The following EFCAB6 variants were observed in gnomAD, a reference collection of about 807,000 sequenced individuals.
EFCAB6 encodes the protein EF-hand calcium-binding domain-containing protein 6.
In EFCAB6, 156 loss-of-function variants were observed where a neutral mutation model predicts 169.8. The ratio of observed to expected loss-of-function variants is 0.92; its 90% CI spans 0.81 to 1.05. The LOEUF (loss-of-function observed/expected upper bound fraction) is 1.05. EFCAB6 is among the 50% of genes least tolerant of loss of function. The pLI, the probability that EFCAB6 is intolerant of heterozygous loss-of-function variation, is 0.00. For synonymous variants in EFCAB6, 698 were observed against 676.4 expected, an observed-to-expected ratio of 1.03 and a Z score of -0.50; for missense variants, 1,800 against 1,829.1, an observed-to-expected ratio of 0.98 and a Z score of 0.29.
At chr22:43,661,950 CTACTAAAAA>C (rs1357237114) in intron 17 of EFCAB6, among the ~76,000 whole-genome samples, 1 of 151,990 alleles carries the variant, frequency 6.6e-6, no homozygotes, top group Non-Finnish European at 1.5e-5. Context: ...AAACCAGTCT[CTACTAAAAA>C]TACAAAAATT....
intron 24 of EFCAB6, among the ~76,000 whole-genome samples, chr22:43,589,280 CAAAAAAAAAAAAAAAAAAAAAAA>C (rs1163346832): frequency 1.7e-4 from 14 of 80,956 alleles, no homozygotes; most frequent in African/African-American, 9.7e-4. Flanking sequence ...GACTTCATGT[CAAAAAAAAAAAAAAAAAAAAAAA>C]AAAAAAAAAA....
intron 11 of EFCAB6, among the ~76,000 whole-genome samples, chr22:43,684,814 C>T (rs771190768): frequency 1.6e-4 from 25 of 152,330 alleles, no homozygotes; most frequent in Middle Eastern, 3.4e-3. Flanking sequence ...ATTTTATCCA[C>T]CGGGTACCCC....
intron 20 of EFCAB6, 106 bp from the exon 21 acceptor site, chr22:43,616,028 A>G: frequency 1.2e-6 from 1 of 827,462 alleles, no homozygotes; most frequent in African/African-American, 1.7e-5. Flanking sequence ...ATACCATTAA[A>G]GTCTGTTATT....
intron 2 of EFCAB6, among the ~76,000 whole-genome samples, chr22:43,787,352 GCA>G (rs61585162): frequency 0.59 from 85,889 of 146,596 alleles, 25,407 homozygotes; most frequent in Middle Eastern, 0.63. Flanking sequence ...ACACACATAT[GCA>G]CACACACACA....
At chr22:43,741,140 A>C (rs1024851121) in intron 6 of EFCAB6, among the ~76,000 whole-genome samples, 1 of 152,092 alleles carries the variant, frequency 6.6e-6, no homozygotes, top group Admixed American at 6.6e-5. Context: ...AAGTAAGAAG[A>C]AGCAATAAAA....
At chr22:43,574,587 G>A (rs564075570) in intron 26 of EFCAB6, among the ~76,000 whole-genome samples, 3 of 151,212 alleles carry the variant, frequency 2.0e-5, no homozygotes, top group African/African-American at 4.9e-5. Context: ...CCTTTTTTAC[G>A]TATATTTTTT....
At chr22:43,747,931 T>A (rs558989523) in intron 6 of EFCAB6, among the ~76,000 whole-genome samples, 1 of 152,226 alleles carries the variant, frequency 6.6e-6, no homozygotes, top group East Asian at 1.9e-4. Context: ...CTAGGTGATA[T>A]ACCGCCCAAT....
At chr22:43,639,184 A>G (rs566818051) in intron 17 of EFCAB6, among the ~76,000 whole-genome samples, 2 of 152,340 alleles carry the variant, frequency 1.3e-5, no homozygotes, top group Non-Finnish European at 2.9e-5. Context: ...AAGAAAAATA[A>G]CAGCCTTCTA....
chr22:43,559,140 A>G (rs1350952293), intron 26 of EFCAB6, among the ~76,000 whole-genome samples: 1 of 152,230 alleles, frequency 6.6e-6, no homozygotes. Context: ...AATATCCAGA[A>G]TCTACAAGGA....
Position 43,537,678 on chromosome 22 carries a change from T to C in EFCAB6, c.3880-133A>G, listed in dbSNP as rs1054972788. ...ATTAGCCCAGAAATAAAATGAAGAA[T>C]AAAACATAGATGGTGATTTTACAAT... On this transcript the variant is annotated intron_variant, in intron 28 of 31. Transcript: ENST00000262726. This position sits in a 1 kb window ranked among gnomAD's most constrained non-coding sequence, Gnocchi z 4.3. The C allele has an allele frequency of 7.7e-5, 84 of 1,089,406 alleles. No individual in the cohort carries two copies. The highest frequency in any genetic ancestry group is 9.8e-5 in the Non-Finnish European group (77 of 787,188). 67.5% of individuals were successfully genotyped at this position (1,089,406 alleles called of 1,614,324 possible). A position where few individuals can be genotyped will look rare whatever the true frequency, so the allele number is the denominator to read the frequency against.
At chr22:43,540,086 C>G (rs757422578) in intron 28 of EFCAB6, 41 bp downstream of exon 28, 1 of 1,605,664 alleles carries the variant, frequency 6.2e-7, no homozygotes, top group South Asian at 1.1e-5. Flanking sequence ...GTGGATGTGG[C>G]ATGAGGAGGC....
At chr22:43,741,476 G>A (rs73888096) in intron 6 of EFCAB6, among the ~76,000 whole-genome samples, 6,270 of 152,202 alleles carry the variant, frequency 0.041, 161 homozygotes, top group South Asian at 0.06. Flanking sequence ...ACTTGAAAGC[G>A]CGCCTTCATA....
intron 11 of EFCAB6, among the ~76,000 whole-genome samples, chr22:43,686,674 T>TA (rs1373711961): frequency 6.6e-6 from 1 of 152,134 alleles, no homozygotes; most frequent in African/African-American, 2.4e-5. Flanking sequence ...CGCAGTTCAT[T>TA]AAATATTCAC....
chr22:43,571,213 T>G (rs2049853206), intron 26 of EFCAB6, among the ~76,000 whole-genome samples: 1 of 152,196 alleles, frequency 6.6e-6, no homozygotes, highest in Non-Finnish European at 1.5e-5. Flanking sequence ...GGTGTAAAAT[T>G]GTCATCTTTA....
intron 8 of EFCAB6, among the ~76,000 whole-genome samples, chr22:43,718,639 C>T (rs568968069): frequency 1.3e-5 from 2 of 152,184 alleles, no homozygotes; most frequent in Admixed American, 6.5e-5. Flanking sequence ...AAAAATGAGC[C>T]GGTCATTGCG....
At chr22:43,724,348 C>T (rs749466116) in intron 8 of EFCAB6, among the ~76,000 whole-genome samples, 21 of 150,060 alleles carry the variant, frequency 1.4e-4, no homozygotes, top group Non-Finnish European at 2.8e-4. Context: ...TTACTGTTTA[C>T]TGTCAATATT....
chr22:43,709,087 T>G (rs1244966823), intron 10 of EFCAB6, among the ~76,000 whole-genome samples: 21 of 152,178 alleles, frequency 1.4e-4, no homozygotes, highest in Admixed American at 1.2e-3. Flanking sequence ...TGTTATTTAT[T>G]TCTTCATTTT....
chr22:43,624,305 T>C (rs894829120), intron 20 of EFCAB6, among the ~76,000 whole-genome samples: 1 of 150,590 alleles, frequency 6.6e-6, no homozygotes, highest in Non-Finnish European at 1.5e-5. Context: ...TCCTCCTTTG[T>C]GTCCATCCTC....
chr22:43,596,562 A>T (rs1342270728), intron 23 of EFCAB6, among the ~76,000 whole-genome samples: 1 of 152,148 alleles, frequency 6.6e-6, no homozygotes, highest in Non-Finnish European at 1.5e-5. Context: ...GAGCTATACA[A>T]AGAAAACTAT....
Sources: gnomAD v4.1 joint callset for allele counts (sites outside exome capture counted in the v4.1 genomes callset) on GRCh38, gnomAD v4.1.1 for gene constraint, Gnocchi (gnomAD v3.1) non-coding constraint, MANE v1.5 for transcripts, NCBI Gene and HGNC (gene_info 2026-07-23, HGNC 2026-07-21) for gene names.